Variants in GRIP1 observed in about 807,000 individuals in gnomAD.
GRIP1 encodes glutamate receptor-interacting protein 1.
In GRIP1, 45 loss-of-function variants were observed where a neutral mutation model predicts 129.9. The observed-to-expected ratio is 0.35, with a 90% confidence interval of 0.27 to 0.44. The LOEUF is 0.44. GRIP1 is among the 20% of genes least tolerant of loss of function. GRIP1 has a pLI of 1.00. For missense variants in GRIP1, 1,196 were observed against 1,396.8 expected (o/e 0.86, Z 2.29); for synonymous variants, 530 against 520.8 (o/e 1.02, Z -0.24).
intron 2 of GRIP1, among the ~76,000 whole-genome samples, chr12:66,557,957 AG>A (rs1298524295): frequency 2.0e-5 from 3 of 152,200 alleles, no homozygotes; most frequent in Non-Finnish European, 2.9e-5. Flanking sequence ...AAAAGAAAAG[AG>A]CAGAAATAAA....
intron 1 of GRIP1, among the ~76,000 whole-genome samples, chr12:66,628,022 GC>G (rs1356763545): frequency 1.3e-5 from 2 of 152,140 alleles, no homozygotes; most frequent in Non-Finnish European, 2.9e-5. Flanking sequence ...TGTGCCCAGA[GC>G]TGTAAGGACG....
At chr12:67,033,919 T>C (rs901530634) in intron 1 of GRIP1, among the ~76,000 whole-genome samples, 1 of 152,204 alleles carries the variant, frequency 6.6e-6, no homozygotes, top group Middle Eastern at 3.2e-3. Flanking sequence ...CAGGAAAAGA[T>C]AGAAAGCAAC....
chr12:66,713,655 A>G (rs541831923), intron 1 of GRIP1, among the ~76,000 whole-genome samples: 1 of 152,130 alleles, frequency 6.6e-6, no homozygotes, highest in South Asian at 2.1e-4. Context: ...CTCCAGTGCT[A>G]CCTCTTCAAG....
At chr12:66,853,862 C>T (rs546972654) in intron 1 of GRIP1, among the ~76,000 whole-genome samples, 74 of 151,936 alleles carry the variant, frequency 4.9e-4, no homozygotes, top group African/African-American at 1.7e-3. Flanking sequence ...TGATTGGTTC[C>T]TATCAATGAA....
At chr12:66,539,022 T>G in intron 4 of GRIP1, 56 bp downstream of exon 4, 1 of 1,459,302 alleles carries the variant, frequency 6.9e-7, no homozygotes, top group Non-Finnish European at 9.6e-7. Context: ...GTTTTAGGCA[T>G]CCACTGGGGG....
At chr12:66,723,058 T>C (rs1179868961) in intron 1 of GRIP1, among the ~76,000 whole-genome samples, 11 of 150,330 alleles carry the variant, frequency 7.3e-5, no homozygotes, top group Non-Finnish European at 4.4e-5. Context: ...CCTATACTGA[T>C]CCATCAGAGC....
chr12:66,436,844 G>T (rs912701097), intron 13 of GRIP1, among the ~76,000 whole-genome samples: 2 of 151,964 alleles, frequency 1.3e-5, no homozygotes, highest in Admixed American at 1.3e-4. Context: ...TACTTAGCCA[G>T]GCTTGGTGGC....
chr12:66,456,778 T>A (rs1194334774), intron 9 of GRIP1, among the ~76,000 whole-genome samples: 1 of 152,178 alleles, frequency 6.6e-6, no homozygotes. Context: ...GAAAGAGCAA[T>A]AAATCACGTT....
intron 2 of GRIP1, among the ~76,000 whole-genome samples, chr12:66,587,815 G>A (rs922201886): frequency 1.2e-4 from 19 of 152,158 alleles, no homozygotes; most frequent in African/African-American, 4.6e-4. Flanking sequence ...GAAGGCAGAG[G>A]GGTTCCAGGG....
rs532734190 is a variant in GRIP1, at chr12:67,056,257, T to C, written c.58+12793A>G. ...GGACACAGTGAACATATCTAGCATC[T>C]ATTGCATGATGTCTGGAGCCTTAGC... On this transcript the variant is annotated intron_variant, in intron 1 of 1. Coordinates refer to the GRIP1 transcript ENST00000643019. Among the ~76,000 whole-genome samples, 4 of 152,346 alleles carry C rather than the reference T, an allele frequency of 2.6e-5. No homozygotes were observed. In the South Asian group the frequency reaches 8.3e-4, roughly 32 times the overall value.
chr12:66,854,903 C>T (rs1283956626), intron 1 of GRIP1, among the ~76,000 whole-genome samples: 1 of 152,030 alleles, frequency 6.6e-6, no homozygotes, highest in Non-Finnish European at 1.5e-5. Context: ...AATACTTTCA[C>T]TATTGAGTTC....
intron 1 of GRIP1, among the ~76,000 whole-genome samples, chr12:66,718,914 G>A (rs2035975083): frequency 6.6e-6 from 1 of 151,954 alleles, no homozygotes; most frequent in Non-Finnish European, 1.5e-5. Flanking sequence ...AAGAGTTGTG[G>A]TACATATAAA....
At chr12:66,946,222 T>A (rs575370814) in intron 1 of GRIP1, among the ~76,000 whole-genome samples, 1 of 152,326 alleles carries the variant, frequency 6.6e-6, no homozygotes, top group East Asian at 1.9e-4. Flanking sequence ...CTTCCCAGAA[T>A]GTGCAAGAAA....
At chr12:66,934,430 A>T (rs2041450995) in intron 1 of GRIP1, among the ~76,000 whole-genome samples, 1 of 152,208 alleles carries the variant, frequency 6.6e-6, no homozygotes, top group Non-Finnish European at 1.5e-5. Flanking sequence ...AGAAATAACT[A>T]CATCACTTAA....
chr12:66,992,980 G>A (rs1421429018), intron 1 of GRIP1, among the ~76,000 whole-genome samples: 4 of 152,092 alleles, frequency 2.6e-5, no homozygotes, highest in Non-Finnish European at 4.4e-5. Context: ...AGGGTGTGGT[G>A]GCATGCACCT....
At chr12:66,666,984 C>T (rs2033833699) in intron 1 of GRIP1, among the ~76,000 whole-genome samples, 1 of 151,414 alleles carries the variant, frequency 6.6e-6, no homozygotes, top group African/African-American at 2.4e-5. Flanking sequence ...TTAGGATCTT[C>T]TCATTTTCCA....
At chr12:66,565,560 T>G (rs996405673) in intron 2 of GRIP1, among the ~76,000 whole-genome samples, 1 of 152,238 alleles carries the variant, frequency 6.6e-6, no homozygotes, top group Non-Finnish European at 1.5e-5. Flanking sequence ...GGTAGCGTGA[T>G]GCCTCCAGCT....
At chr12:66,856,563 A>C (rs1251518619) in intron 1 of GRIP1, among the ~76,000 whole-genome samples, 2 of 151,948 alleles carry the variant, frequency 1.3e-5, no homozygotes, top group Admixed American at 6.6e-5. Context: ...GTGGGCGAAG[A>C]ATATGAACAG....
chr12:66,391,502 T>C (rs1363835996), intron 19 of GRIP1, among the ~76,000 whole-genome samples: 2 of 152,250 alleles, frequency 1.3e-5, no homozygotes, highest in African/African-American at 4.8e-5. Context: ...CGATGACACC[T>C]ATGAAGAAAA....
Sources: gnomAD v4.1 joint callset for allele counts (sites outside exome capture counted in the v4.1 genomes callset) on GRCh38, gnomAD v4.1.1 for gene constraint, MANE v1.5 for transcripts, NCBI Gene and HGNC (gene_info 2026-07-23, HGNC 2026-07-21) for gene names.